Variants in VTI1B observed in about 807,000 individuals in gnomAD.
VTI1B encodes vesicle transport through interaction with t-SNAREs 1B, also known as vesicle transport through interaction with t-SNAREs homolog 1B.
VTI1B carries 18 observed loss-of-function variants against 28.6 expected under a neutral mutation model. The observed-to-expected ratio is 0.63, with a 90% CI of 0.43 to 0.93. VTI1B has a LOEUF of 0.93. Ranked by LOEUF, VTI1B falls within the 40% of genes least tolerant of loss-of-function variation. VTI1B has a pLI of 0.00. For missense variants in VTI1B, 283 were observed against 297.0 expected (o/e 0.95, Z 0.35); for synonymous variants, 100 against 107.9 (o/e 0.93, Z 0.46).
At chr14:67,666,216 A>G (rs746629057) in intron 1 of VTI1B, among the ~76,000 whole-genome samples, 1 of 152,210 alleles carries the variant, frequency 6.6e-6, no homozygotes, top group Non-Finnish European at 1.5e-5. Context: ...AACTGTGTTT[A>G]GTCATAAATT....
intron 3 of VTI1B, 145 bp from the exon 4 acceptor site, chr14:67,656,734 G>A: frequency 5.4e-6 from 5 of 929,146 alleles, no homozygotes; most frequent in Non-Finnish European, 7.5e-6. Flanking sequence ...AGAAGCTAAT[G>A]ATTCTTTTCA....
In VTI1B at chr14:67,660,027, C is replaced by T. The variant is rs1280310386; in HGVS notation, c.175-105G>A. 7.7e-6 allele frequency: 9 copies of T among 1,164,302 alleles called. No homozygotes were observed. In the Admixed American group the frequency reaches 2.1e-4, roughly 27 times the overall value. The allele number at this position is 1,164,302 out of a possible 1,614,324, so 72.1% of individuals were successfully genotyped here. A position where few individuals can be genotyped will look rare whatever the true frequency, so the allele number is the denominator to read the frequency against. On this transcript the variant is annotated intron_variant, in intron 2 of 5. Coordinates refer to ENST00000554659, the MANE Select transcript of VTI1B (RefSeq NM_006370.3). Reference sequence around the variant, plus strand: ...AAACTACTTATTTATTTGGACTACACCAAGTAAATAACCATATGCTCCATG... The same window carrying T: ...AAACTACTTATTTATTTGGACTACATCAAGTAAATAACCATATGCTCCATG...
chr14:67,653,543 C>A, intron 4 of VTI1B, 45 bp from the exon 5 acceptor site: 1 of 1,547,088 alleles, frequency 6.5e-7, no homozygotes. Context: ...AAAAAGTATA[C>A]TCTGTACAAT....
rs770872275 is a variant in VTI1B, at chr14:67,674,482, G to A, written c.8C>T (p.Ser3Phe). Residue 3 changes from serine to phenylalanine, a missense_variant, in exon 1 of 6, where the codon TCC (serine) becomes TTC (phenylalanine). Transcript: ENST00000554659. MA[S>F]SAASSEHFEK... ...GAAATGCTCCGAGGAGGCGGCGGAG[G>A]AGGCCATGGCGCAGGCCGCGCTGGA... 1.2e-5 allele frequency: 19 copies of A among 1,604,740 alleles called. No individual in the cohort carries two copies. Among genetic ancestry groups the A allele is most frequent in the Admixed American group, 1.7e-5 (1 of 59,278 alleles).
Position 67,662,398 on chromosome 14 carries a change from T to C in VTI1B, c.174+79A>G. ...AAGATCAATGGACAGGAACAGTTAA[T>C]TTGTGATCAGCTCATAGCATTACTT... On this transcript the variant is annotated intron_variant, in intron 2 of 5. Coordinates refer to ENST00000554659, the MANE Select transcript of VTI1B (RefSeq NM_006370.3). 1.6e-6 allele frequency: 2 copies of C among 1,238,484 alleles called. 1 individual carries two copies. Among genetic ancestry groups the C allele is most frequent in the South Asian group, 2.6e-5 (2 of 76,332 alleles). The allele number at this position is 1,238,484 out of a possible 1,614,324, so 76.7% of individuals were successfully genotyped here. A position where few individuals can be genotyped will look rare whatever the true frequency, so the allele number is the denominator to read the frequency against.
Position 67,653,421 on chromosome 14 carries a change from C to A in VTI1B, c.602+16G>T. 1 of 1,612,478 alleles carries A rather than the reference C, an allele frequency of 6.2e-7. No individual in the cohort carries two copies. The highest frequency in any genetic ancestry group is 8.5e-7 in the Non-Finnish European group (1 of 1,178,954). ...CACTGAGTTAAGAGAAATTTCATGA[C>A]TTTAATAAAACTTACTTTCTGGACA... On this transcript the variant is annotated intron_variant, in intron 5 of 5. Transcript: ENST00000554659.
At chr14:67,661,231 G>C (rs544205775) in intron 2 of VTI1B, among the ~76,000 whole-genome samples, 1 of 126,514 alleles carries the variant, frequency 7.9e-6, no homozygotes, top group Admixed American at 9.3e-5. Context: ...TGAAGCTAGA[G>C]TATGATGAGA....
chr14:67,668,589 C>T (rs1276067708), intron 1 of VTI1B, among the ~76,000 whole-genome samples: 1 of 152,186 alleles, frequency 6.6e-6, no homozygotes, highest in Non-Finnish European at 1.5e-5. Flanking sequence ...TTCACACATT[C>T]CATCATCCAA....
At chr14:67,655,855 T>C (rs2037248504) in intron 4 of VTI1B, among the ~76,000 whole-genome samples, 1 of 152,162 alleles carries the variant, frequency 6.6e-6, no homozygotes, top group African/African-American at 2.4e-5. Flanking sequence ...TCCTTCCATC[T>C]TTTTTTCCCC....
chr14:67,668,290 A>G (rs2037426219), intron 1 of VTI1B, among the ~76,000 whole-genome samples: 1 of 152,228 alleles, frequency 6.6e-6, no homozygotes, highest in Non-Finnish European at 1.5e-5. Flanking sequence ...ACCTCTTCAG[A>G]GGTTGTAAAA....
In VTI1B at chr14:67,647,225, T is replaced by C. The variant is rs1276866843; in HGVS notation, c.*4160A>G. 8 of 488,838 alleles carry C rather than the reference T, an allele frequency of 1.6e-5. No individual in the cohort carries two copies. Among genetic ancestry groups the C allele is most frequent in the African/African-American group, 7.9e-5 (4 of 50,728 alleles). 30.3% of individuals were successfully genotyped at this position (488,838 alleles called of 1,614,324 possible). A position where few individuals can be genotyped will look rare whatever the true frequency, so the allele number is the denominator to read the frequency against. ...TTGGGAGGAGGTTTCCTCTAAATCA[T>C]TGCCTAGATCTTCTGTCTCATGAAT... On this transcript the variant is annotated 3_prime_UTR_variant, in exon 6 of 6. Transcript: ENST00000554659.
intron 1 of VTI1B, among the ~76,000 whole-genome samples, chr14:67,670,748 C>CAA (rs1326767819): frequency 6.6e-6 from 1 of 152,108 alleles, no homozygotes; most frequent in Non-Finnish European, 1.5e-5. Flanking sequence ...AGGATGGTCT[C>CAA]CATCCGTGAC....
chr14:67,666,163 G>A (rs1382415142), intron 1 of VTI1B, among the ~76,000 whole-genome samples: 1 of 152,226 alleles, frequency 6.6e-6, no homozygotes, highest in African/African-American at 2.4e-5. Flanking sequence ...GTACACATAT[G>A]TACATTCCCT....
At chr14:67,654,266 GCTC>G (rs1413847903) in intron 4 of VTI1B, among the ~76,000 whole-genome samples, 1 of 152,114 alleles carries the variant, frequency 6.6e-6, no homozygotes, top group Non-Finnish European at 1.5e-5. Flanking sequence ...ACCACACCCT[GCTC>G]CTTTTTTTGA....
At chr14:67,663,835 C>CT (rs975160626) in intron 1 of VTI1B, among the ~76,000 whole-genome samples, 1 of 152,124 alleles carries the variant, frequency 6.6e-6, no homozygotes, top group African/African-American at 2.4e-5. Flanking sequence ...GGGTGAGGTT[C>CT]TGGTGCCAGG....
intron 3 of VTI1B, among the ~76,000 whole-genome samples, chr14:67,658,513 A>G (rs1182226222): frequency 6.6e-6 from 1 of 152,220 alleles, no homozygotes. Context: ...AGGAGAATGG[A>G]GTGAACCCGG....
chr14:67,667,673 G>A (rs2037417634), intron 1 of VTI1B, among the ~76,000 whole-genome samples: 1 of 152,138 alleles, frequency 6.6e-6, no homozygotes, highest in African/African-American at 2.4e-5. Context: ...GGCCAGGCGC[G>A]GTGGCTCACG....
At chr14:67,654,184 G>A (rs1484918769) in intron 4 of VTI1B, among the ~76,000 whole-genome samples, 1 of 152,186 alleles carries the variant, frequency 6.6e-6, no homozygotes, top group Non-Finnish European at 1.5e-5. Flanking sequence ...GCAGCTCACT[G>A]CAGCCTCGAC....
chr14:67,657,598 G>GCGCA (rs1555383597), intron 3 of VTI1B, among the ~76,000 whole-genome samples: 47 of 112,424 alleles, frequency 4.2e-4, no homozygotes, highest in African/African-American at 1.5e-3. Context: ...GCGCGCGCGT[G>GCGCA]CACACACACA....
Sources: allele counts gnomAD v4.1 joint callset (sites outside exome capture counted in the v4.1 genomes callset), GRCh38; gene constraint gnomAD v4.1.1; transcripts MANE v1.5; gene names NCBI Gene and HGNC (gene_info 2026-07-23, HGNC 2026-07-21).